The following PRKN variants were observed in gnomAD, a reference collection of about 807,000 sequenced individuals.
PRKN encodes the protein parkin RBR E3 ubiquitin protein ligase.
Under a neutral mutation model 59.5 loss-of-function variants are expected in PRKN, and 56 were observed. The ratio of observed to expected loss-of-function variants is 0.94; its 90% confidence interval spans 0.76 to 1.18. The LOEUF is 1.18. Among genes scored for constraint, PRKN ranks in the 50% most tolerant of loss-of-function variants. The probability of loss-of-function intolerance (pLI) is 0.00; values close to 1 mark genes in which losing one functional copy is unlikely to be tolerated. For missense variants in PRKN, 657 were observed against 596.4 expected (o/e 1.10, Z -1.06); for synonymous variants, 250 against 222.1 (o/e 1.13, Z -1.12).
chr6:162,339,524 A>G (rs1784060226), intron 2 of PRKN, among the ~76,000 whole-genome samples: 1 of 128,720 alleles, frequency 7.8e-6, no homozygotes, highest in South Asian at 2.5e-4. Context: ...TGGGGGGGTC[A>G]GCCCCCCGCC....
intron 4 of PRKN, among the ~76,000 whole-genome samples, chr6:162,159,465 TAA>T (rs1782665406): frequency 6.6e-6 from 1 of 152,190 alleles, no homozygotes; most frequent in Non-Finnish European, 1.5e-5. Context: ...CAGAAAGTCC[TAA>T]ATAAAATGGT....
chr6:162,569,507 A>C, intron 1 of PRKN: 1 of 698,036 alleles, frequency 1.4e-6, no homozygotes. Context: ...GAACATGAGT[A>C]TCCATACAAA....
intron 7 of PRKN, among the ~76,000 whole-genome samples, chr6:161,630,695 TGTC>T (rs1783270752): frequency 6.6e-6 from 1 of 152,134 alleles, no homozygotes; most frequent in Non-Finnish European, 1.5e-5. Context: ...GGTTTTCTCT[TGTC>T]ATCATCATCA....
At chr6:162,025,249 C>T (rs147404639) in intron 5 of PRKN, among the ~76,000 whole-genome samples, 6 of 151,884 alleles carry the variant, frequency 4.0e-5, no homozygotes, top group African/African-American at 7.3e-5. Flanking sequence ...GTGATCCGAC[C>T]GCCTCGGCCT....
chr6:161,473,059 T>C lies in PRKN; in HGVS notation c.1083+75795A>G, dbSNP rs1339874913. ...TGCTGTTGGTGGGAATGTAAATTGT[T>C]GCAGCCTTTATGGAAAACAGTACGA... is the stretch of plus-strand genomic sequence containing the variant. On this transcript the variant is annotated intron_variant, in intron 9 of 11. Coordinates refer to ENST00000366898, the MANE Select transcript of PRKN (RefSeq NM_004562.3). This position sits in a 1 kb window ranked among gnomAD's most constrained non-coding sequence, Gnocchi z 4.1. 6.6e-6 allele frequency among the ~76,000 whole-genome samples: 1 copy of C among 152,152 alleles called. No homozygotes were observed. Among genetic ancestry groups the C allele is most frequent in the Non-Finnish European group, 1.5e-5 (1 of 68,036 alleles).
chr6:161,354,767 A>G lies in PRKN; in HGVS notation c.1286-4556T>C, dbSNP rs953436321. Among the ~76,000 whole-genome samples the G allele has an allele frequency of 1.3e-5, 2 of 152,200 alleles. No individual in the cohort carries two copies. Among genetic ancestry groups the G allele is most frequent in the African/African-American group, 4.8e-5 (2 of 41,448 alleles). ...TTCGGTTACAGTGATGCACTTTTAAACAGTTTAGGCCATCGCTAATAAGCT... is the reference window on the plus strand; with the variant it reads ...TTCGGTTACAGTGATGCACTTTTAAGCAGTTTAGGCCATCGCTAATAAGCT... On this transcript the variant is annotated intron_variant, in intron 11 of 11. Coordinates refer to ENST00000366898, the MANE Select transcript of PRKN (RefSeq NM_004562.3). The surrounding 1 kb of genome is among the most constrained non-coding windows in gnomAD (Gnocchi z 6.7).
At chr6:161,946,318 T>G (rs2128244701) in intron 6 of PRKN, among the ~76,000 whole-genome samples, 1 of 151,776 alleles carries the variant, frequency 6.6e-6, no homozygotes, top group South Asian at 2.1e-4. Context: ...AAGTGATAAC[T>G]TGGCTTAGAA....
chr6:162,668,303 G>A (rs1455346000), intron 1 of PRKN, among the ~76,000 whole-genome samples: 1 of 152,148 alleles, frequency 6.6e-6, no homozygotes, highest in East Asian at 1.9e-4. Flanking sequence ...AGATTTACAT[G>A]AGAAAAGTGC....
intron 5 of PRKN, among the ~76,000 whole-genome samples, chr6:162,031,206 T>C (rs1161381802): frequency 1.3e-5 from 2 of 152,052 alleles, no homozygotes; most frequent in Non-Finnish European, 2.9e-5. Context: ...AGCCTTTGGC[T>C]TCTTTCTGCA....
intron 3 of PRKN, among the ~76,000 whole-genome samples, chr6:162,213,565 A>C (rs1777495216): frequency 6.6e-6 from 1 of 151,920 alleles, no homozygotes; most frequent in Non-Finnish European, 1.5e-5. Context: ...ATCTCTACAA[A>C]AAATAAACAA....
intron 3 of PRKN, among the ~76,000 whole-genome samples, chr6:162,225,718 T>A (rs937738117): frequency 6.6e-6 from 1 of 152,022 alleles, no homozygotes; most frequent in Non-Finnish European, 1.5e-5. Flanking sequence ...TTTTGTTGTA[T>A]CAACCCACAG....
intron 4 of PRKN, among the ~76,000 whole-genome samples, chr6:162,096,702 T>C (rs1189681872): frequency 2.0e-5 from 3 of 152,010 alleles, no homozygotes; most frequent in Non-Finnish European, 4.4e-5. Flanking sequence ...ATGTAAGATG[T>C]GCCTTTGCCT....
chr6:161,809,390 C>T (rs908173449), intron 6 of PRKN, among the ~76,000 whole-genome samples: 2 of 151,714 alleles, frequency 1.3e-5, no homozygotes, highest in African/African-American at 4.8e-5. Context: ...ATCTGAAGTA[C>T]AATGTCAAGG....
At chr6:161,734,497 C>T (rs777876332) in intron 7 of PRKN, among the ~76,000 whole-genome samples, 1 of 152,132 alleles carries the variant, frequency 6.6e-6, no homozygotes, top group Non-Finnish European at 1.5e-5. Context: ...GGTCAAGACC[C>T]TCTCTGATCA....
intron 7 of PRKN, among the ~76,000 whole-genome samples, chr6:161,603,163 A>G (rs1265480532): frequency 1.3e-5 from 2 of 152,178 alleles, no homozygotes; most frequent in African/African-American, 4.8e-5. Context: ...TTTTGGCACC[A>G]TATTGACTAT....
chr6:162,407,552 T>A (rs536300903), intron 2 of PRKN, among the ~76,000 whole-genome samples: 1 of 152,318 alleles, frequency 6.6e-6, no homozygotes, highest in East Asian at 1.9e-4. Flanking sequence ...TCTGATTTCA[T>A]GCGTCAACTT....
intron 4 of PRKN, among the ~76,000 whole-genome samples, chr6:162,150,947 A>G (rs748291882): frequency 6.6e-5 from 10 of 152,160 alleles, no homozygotes; most frequent in Middle Eastern, 3.2e-3. Context: ...GTCACCTGAG[A>G]CTGTGGGCTA....
intron 6 of PRKN, among the ~76,000 whole-genome samples, chr6:161,910,220 T>C: frequency 6.6e-6 from 1 of 152,150 alleles, no homozygotes; most frequent in South Asian, 2.1e-4. Flanking sequence ...GAAGATGCCG[T>C]GAACATTGTT....
In PRKN at chr6:161,385,518, G is replaced by A. The variant is rs554481227; in HGVS notation, c.1167+1276C>T. On this transcript the variant is annotated intron_variant, in intron 10 of 11. Transcript: ENST00000366898. This position sits in a 1 kb window ranked among gnomAD's most constrained non-coding sequence, Gnocchi z 4.9. ...AATGGGATTAGAGGGAGGGTCAGGC[G>A]CCTGGATGGCTTTAGGTTAAGCAAT... 7.2e-5 allele frequency among the ~76,000 whole-genome samples: 11 copies of A among 152,298 alleles called. No homozygotes were observed. The highest frequency in any genetic ancestry group is 3.4e-3 in the Middle Eastern group (1 of 294).
Sources: gnomAD v4.1 joint callset for allele counts (sites outside exome capture counted in the v4.1 genomes callset) on GRCh38, gnomAD v4.1.1 for gene constraint, Gnocchi (gnomAD v3.1) non-coding constraint, MANE v1.5 for transcripts, NCBI Gene and HGNC (gene_info 2026-07-23, HGNC 2026-07-21) for gene names.